NRG1: variants seen among roughly 807,000 people sequenced by gnomAD.
NRG1 encodes the protein neuregulin 1.
A neutral mutation model predicts 63.8 loss-of-function variants in NRG1; 18 were observed. That is an observed-to-expected ratio of 0.28 (90% confidence interval 0.19 to 0.42). NRG1 has a LOEUF of 0.42. NRG1 is among the 10% of genes least tolerant of loss of function. The pLI is 1.00. For missense variants in NRG1, 762 were observed against 814.7 expected (o/e 0.94, Z 0.79); for synonymous variants, 302 against 301.3 (o/e 1.00, Z -0.02).
intron 1 of NRG1, among the ~76,000 whole-genome samples, chr8:32,510,078 A>C (rs1828976775): frequency 6.7e-6 from 1 of 148,362 alleles, no homozygotes; most frequent in Admixed American, 6.8e-5. Context: ...AGGAGAAAGA[A>C]CATAGCTATC....
chr8:31,798,738 A>G (rs1213729688), intron 1 of NRG1, among the ~76,000 whole-genome samples: 1 of 152,176 alleles, frequency 6.6e-6, no homozygotes, highest in East Asian at 1.9e-4. Context: ...GACAAAGTTA[A>G]TGTTTAAGAA....
chr8:32,764,443 T>A, exon 12 of NRG1: 3 of 1,421,650 alleles, frequency 2.1e-6, no homozygotes, highest in South Asian at 1.5e-5. Flanking sequence ...AAACTTTATT[T>A]TATATAATAA....
intron 1 of NRG1, among the ~76,000 whole-genome samples, chr8:32,134,278 G>T (rs1357241713): frequency 6.6e-6 from 1 of 152,052 alleles, no homozygotes; most frequent in African/African-American, 2.4e-5. Flanking sequence ...AAGTATAATT[G>T]CTTATTAAGT....
At chr8:32,504,068 G>C (rs547490367) in intron 1 of NRG1, among the ~76,000 whole-genome samples, 1 of 152,270 alleles carries the variant, frequency 6.6e-6, no homozygotes, top group East Asian at 1.9e-4. Flanking sequence ...GTTCCTAGAG[G>C]AAGGTCATCC....
chr8:32,315,065 C>A (rs1446926417), intron 1 of NRG1, among the ~76,000 whole-genome samples: 5 of 152,220 alleles, frequency 3.3e-5, no homozygotes, highest in Non-Finnish European at 7.3e-5. Flanking sequence ...TGTTTACACC[C>A]ACCCAACTTT....
At position 32,363,030 on chromosome 8, in the gene NRG1, A is replaced by C. The variant is rs539526725; in HGVS notation, c.38-232798A>C. On this transcript the variant is annotated intron_variant, in intron 1 of 10. Transcript: ENST00000519301. ...ATGGGGTGTGCAATTAACTCTGCCC[A>C]TGCTGCTGAAGTTTCAGTCCATTAG... Among the ~76,000 whole-genome samples the C allele has an allele frequency of 1.8e-3, 268 of 152,298 alleles. 3 individuals carry two copies. The highest frequency in any genetic ancestry group is 2.1e-3 in the Non-Finnish European group (145 of 68,032).
chr8:32,339,716 G>C (rs1039980489), intron 1 of NRG1, among the ~76,000 whole-genome samples: 4 of 152,172 alleles, frequency 2.6e-5, no homozygotes, highest in Non-Finnish European at 5.9e-5. Flanking sequence ...ATTTCATTTT[G>C]ATTGCCTGTA....
At chr8:32,013,360 A>C (rs1284620648) in intron 1 of NRG1, among the ~76,000 whole-genome samples, 2 of 152,172 alleles carry the variant, frequency 1.3e-5, no homozygotes, top group Admixed American at 6.6e-5. Context: ...AGGGAGACAG[A>C]GCATCAAAGT....
At chr8:32,571,671 C>T (rs369629745) in intron 1 of NRG1, among the ~76,000 whole-genome samples, 18 of 152,260 alleles carry the variant, frequency 1.2e-4, no homozygotes, top group East Asian at 7.7e-4. Flanking sequence ...CACCTCCATT[C>T]CTCTTGCCAT....
chr8:32,496,723 T>C (rs1259363006), intron 1 of NRG1, among the ~76,000 whole-genome samples: 1 of 152,222 alleles, frequency 6.6e-6, no homozygotes, highest in Non-Finnish European at 1.5e-5. Flanking sequence ...ACTGATTATA[T>C]ATATTAGGTC....
chr8:32,040,749 G>GTATATATATATATATATA (rs1819861160), intron 1 of NRG1, among the ~76,000 whole-genome samples: 1 of 3,154 alleles, frequency 3.2e-4, no homozygotes, highest in African/African-American at 4.7e-4. Context: ...AAATTTAGGC[G>GTATATATATATATATATA]CATATATATA....
intron 1 of NRG1, among the ~76,000 whole-genome samples, chr8:32,517,789 C>G (rs1829975261): frequency 6.6e-6 from 1 of 152,082 alleles, no homozygotes; most frequent in South Asian, 2.1e-4. Flanking sequence ...AGTGCTAAGA[C>G]AAGATTTCTT....
intron 1 of NRG1, among the ~76,000 whole-genome samples, chr8:32,191,780 C>A (rs1304488014): frequency 3.9e-5 from 6 of 152,194 alleles, no homozygotes. Context: ...TGTTGGCCAG[C>A]AGCCAGGACA....
intron 1 of NRG1, among the ~76,000 whole-genome samples, chr8:31,709,678 G>T (rs962735521): frequency 4.0e-5 from 6 of 151,852 alleles, no homozygotes; most frequent in African/African-American, 1.5e-4. Context: ...GTCAGTTTTG[G>T]TGAATTATAC....
At chr8:31,743,641 C>CT (rs1201727726) in intron 1 of NRG1, among the ~76,000 whole-genome samples, 1 of 151,794 alleles carries the variant, frequency 6.6e-6, no homozygotes, top group African/African-American at 2.4e-5. Flanking sequence ...TTGACACCTA[C>CT]TTTTTCTTGT....
intron 6 of NRG1, among the ~76,000 whole-genome samples, chr8:32,738,542 C>A (rs1191037892): frequency 6.6e-6 from 1 of 152,016 alleles, no homozygotes; most frequent in African/African-American, 2.4e-5. Context: ...CAAACTCATG[C>A]CAAAGCTTAT....
At chr8:32,643,623 G>A (rs554951544) in intron 5 of NRG1, among the ~76,000 whole-genome samples, 10 of 152,276 alleles carry the variant, frequency 6.6e-5, no homozygotes, top group South Asian at 6.2e-4. Context: ...ATAAAATGGC[G>A]GTTGTTGTAA....
rs367578744 is a variant in NRG1, at chr8:32,233,823, C to G, written c.38-362005C>G. Among the ~76,000 whole-genome samples the G allele has an allele frequency of 3.9e-4, 60 of 152,078 alleles. No homozygotes were observed. In the East Asian group the frequency reaches 0.011, roughly 28 times the overall value. On this transcript the variant is annotated intron_variant, in intron 1 of 10. Coordinates refer to the NRG1 transcript ENST00000519301. ...CGTGATCCACCCCCCCATCAGCCTC[C>G]CAAAGTGCTGGGATTACAGGTGTGA...
intron 1 of NRG1, among the ~76,000 whole-genome samples, chr8:32,188,673 G>A (rs759393503): frequency 1.3e-5 from 2 of 152,102 alleles, no homozygotes; most frequent in African/African-American, 2.4e-5. Context: ...AAGAAATGTC[G>A]CTGGTATCAG....
Sources: allele counts gnomAD v4.1 joint callset (sites outside exome capture counted in the v4.1 genomes callset), GRCh38; gene constraint gnomAD v4.1.1; transcripts MANE v1.5; gene names NCBI Gene and HGNC (gene_info 2026-07-23, HGNC 2026-07-21).